The following TAFA2 variants were observed in gnomAD, a reference collection of about 807,000 sequenced individuals.
TAFA2 encodes chemokine-like protein TAFA-2.
Under a neutral mutation model 18.8 loss-of-function variants are expected in TAFA2, and 7 were observed. The observed-to-expected ratio is 0.37, with a 90% CI of 0.21 to 0.70. The LOEUF (loss-of-function observed/expected upper bound fraction) is 0.70, where lower values mean the gene tolerates loss of function less well. TAFA2 is among the 30% of genes least tolerant of loss of function. The probability of loss-of-function intolerance (pLI) is 0.53; values close to 1 mark genes in which losing one functional copy is unlikely to be tolerated. For missense variants in TAFA2, 122 were observed against 158.1 expected (o/e 0.77, Z 1.23); for synonymous variants, 60 against 54.2 (o/e 1.11, Z -0.47).
chr12:62,182,016 A>G (rs1378466887), intron 1 of TAFA2, among the ~76,000 whole-genome samples: 1 of 142,894 alleles, frequency 7.0e-6, no homozygotes, highest in Non-Finnish European at 1.5e-5. Flanking sequence ...CATAGTAGCT[A>G]CTCAAGTAGA....
chr12:61,754,031 A>G (rs897596565), intron 3 of TAFA2, among the ~76,000 whole-genome samples: 2 of 152,214 alleles, frequency 1.3e-5, no homozygotes, highest in African/African-American at 4.8e-5. Flanking sequence ...TTAACTATAG[A>G]CACAATATTA....
intron 1 of TAFA2, among the ~76,000 whole-genome samples, chr12:62,167,791 A>G (rs2062450194): frequency 6.6e-6 from 1 of 152,132 alleles, no homozygotes; most frequent in Non-Finnish European, 1.5e-5. Flanking sequence ...TTTATTACAG[A>G]TTTGGGGAAG....
rs180933512 is a variant in TAFA2 at position 61,960,867 on chromosome 12, G to A, written c.-1-93441C>T. Reference sequence around the variant, plus strand: ...ATCTCATAAGCTTATACAACCTGATGAAAATAGAAAAAAATAGAACTTTTA... The same window carrying A: ...ATCTCATAAGCTTATACAACCTGATAAAAATAGAAAAAAATAGAACTTTTA... On this transcript the variant is annotated intron_variant, in intron 1 of 4. Transcript: ENST00000416284. Among the ~76,000 whole-genome samples, 442 of 151,414 alleles carry A rather than the reference G, an allele frequency of 2.9e-3. 4 individuals carry two copies. Among genetic ancestry groups the A allele is most frequent in the African/African-American group, 9.8e-3 (406 of 41,322 alleles).
chr12:61,936,398 C>A (rs1366709797), intron 1 of TAFA2, among the ~76,000 whole-genome samples: 1 of 152,002 alleles, frequency 6.6e-6, no homozygotes, highest in Non-Finnish European at 1.5e-5. Context: ...GAAACCCTGT[C>A]TCTAACTAAA....
At chr12:62,141,958 C>G (rs2062243626) in intron 1 of TAFA2, among the ~76,000 whole-genome samples, 1 of 152,194 alleles carries the variant, frequency 6.6e-6, no homozygotes, top group Admixed American at 6.5e-5. Context: ...ACTAGGTTAT[C>G]ATTGTTTCTG....
chr12:62,249,379 C>T (rs1219900926), intron 1 of TAFA2, among the ~76,000 whole-genome samples: 19 of 151,822 alleles, frequency 1.3e-4, no homozygotes, highest in Non-Finnish European at 4.4e-5. Flanking sequence ...TCACCTTTGG[C>T]TTAAATTAAC....
chr12:61,966,849 C>T (rs1183490741), intron 1 of TAFA2, among the ~76,000 whole-genome samples: 1 of 151,864 alleles, frequency 6.6e-6, no homozygotes, highest in Non-Finnish European at 1.5e-5. Context: ...ACTATGGACA[C>T]ATTTACAACA....
chr12:62,200,803 G>C (rs1054192876), intron 1 of TAFA2, among the ~76,000 whole-genome samples: 3 of 152,174 alleles, frequency 2.0e-5, no homozygotes, highest in African/African-American at 4.8e-5. Flanking sequence ...GTCAATGGTA[G>C]TTTAATGAGA....
chr12:61,818,309 A>G (rs769758566), intron 2 of TAFA2, among the ~76,000 whole-genome samples: 1 of 152,118 alleles, frequency 6.6e-6, no homozygotes, highest in African/African-American at 2.4e-5. Context: ...CCTACACTGA[A>G]TAGGTAAATG....
chr12:62,054,510 C>T (rs2136778717), intron 1 of TAFA2, among the ~76,000 whole-genome samples: 1 of 152,206 alleles, frequency 6.6e-6, no homozygotes, highest in Admixed American at 6.5e-5. Context: ...CTTTAGTGAA[C>T]TGTAACTTAT....
chr12:61,921,754 T>G (rs1220078117), intron 1 of TAFA2, among the ~76,000 whole-genome samples: 2 of 152,166 alleles, frequency 1.3e-5, no homozygotes, highest in Non-Finnish European at 2.9e-5. Flanking sequence ...TAAAGGCATA[T>G]AACTACACAG....
intron 1 of TAFA2, among the ~76,000 whole-genome samples, chr12:61,893,374 C>A (rs1875713190): frequency 1.3e-5 from 2 of 152,138 alleles, no homozygotes; most frequent in South Asian, 4.1e-4. Context: ...AATATAGAAA[C>A]CTCTTCCAAT....
chr12:61,894,846 T>C (rs1875772662), intron 1 of TAFA2, among the ~76,000 whole-genome samples: 1 of 152,198 alleles, frequency 6.6e-6, no homozygotes. Flanking sequence ...TGATACTGCT[T>C]TTAGAACTGA....
intron 1 of TAFA2, among the ~76,000 whole-genome samples, chr12:62,173,205 G>A (rs1241716024): frequency 6.6e-6 from 1 of 152,190 alleles, no homozygotes; most frequent in Non-Finnish European, 1.5e-5. Flanking sequence ...CTGAGGTCAG[G>A]AGTTTGAGAA....
At chr12:62,107,415 T>C (rs1444249) in intron 1 of TAFA2, among the ~76,000 whole-genome samples, 34,051 of 152,064 alleles carry the variant, frequency 0.22, 4,175 homozygotes, top group East Asian at 0.37. Context: ...ATAAACCAAA[T>C]TCTGTCCCCA....
intron 1 of TAFA2, among the ~76,000 whole-genome samples, chr12:62,233,469 A>C (rs1159120673): frequency 6.6e-6 from 1 of 152,078 alleles, no homozygotes; most frequent in Non-Finnish European, 1.5e-5. Flanking sequence ...ATTGGAATGC[A>C]CTTCATACAC....
chr12:62,034,173 A>G (rs369250244), intron 1 of TAFA2, among the ~76,000 whole-genome samples: 103 of 152,224 alleles, frequency 6.8e-4, no homozygotes, highest in South Asian at 5.6e-3. Flanking sequence ...ATGCCTTTTA[A>G]CTCCAGGAAA....
chr12:61,899,667 A>G (rs1242109401), intron 1 of TAFA2, among the ~76,000 whole-genome samples: 4 of 152,192 alleles, frequency 2.6e-5, no homozygotes, highest in Non-Finnish European at 5.9e-5. Flanking sequence ...ATTATAATTC[A>G]AGATGAGATT....
At chr12:61,848,242 A>G (rs1229270915) in intron 2 of TAFA2, among the ~76,000 whole-genome samples, 1 of 152,226 alleles carries the variant, frequency 6.6e-6, no homozygotes, top group African/African-American at 2.4e-5. Flanking sequence ...ATTTCAAAAG[A>G]GCAAAACAAC....
Sources: allele counts gnomAD v4.1 joint callset (sites outside exome capture counted in the v4.1 genomes callset), GRCh38; gene constraint gnomAD v4.1.1; transcripts MANE v1.5; gene names NCBI Gene and HGNC (gene_info 2026-07-23, HGNC 2026-07-21).